PDE4D: variants seen among roughly 807,000 people sequenced by gnomAD.
The protein encoded by PDE4D is 3',5'-cyclic-AMP phosphodiesterase 4D.
A neutral mutation model predicts 87.4 loss-of-function variants in PDE4D; 24 were observed. The observed-to-expected ratio is 0.27, with a 90% CI of 0.20 to 0.39. The LOEUF is 0.39. PDE4D is among the 10% of genes least tolerant of loss of function. PDE4D has a pLI of 1.00. For missense variants in PDE4D, 714 were observed against 1,041.0 expected (o/e 0.69, Z 4.32); for synonymous variants, 384 against 383.2 (o/e 1.00, Z -0.02).
intron 1 of PDE4D, among the ~76,000 whole-genome samples, chr5:60,289,701 G>C (rs1212220286): frequency 6.6e-6 from 1 of 152,208 alleles, no homozygotes; most frequent in South Asian, 2.1e-4. Context: ...ATTATGGCAA[G>C]AGTGGGACAA....
chr5:59,109,945 C>G (rs1772318740), intron 5 of PDE4D, among the ~76,000 whole-genome samples: 1 of 152,030 alleles, frequency 6.6e-6, no homozygotes, highest in Non-Finnish European at 1.5e-5. Context: ...CTTGTGCTGC[C>G]CATGGAGAGA....
chr5:60,487,459 T>G (rs778464609), intron 1 of PDE4D, among the ~76,000 whole-genome samples: 8 of 152,238 alleles, frequency 5.3e-5, no homozygotes, highest in Non-Finnish European at 1.0e-4. Context: ...AACAAAAGTA[T>G]TGCTGCCATC....
chr5:59,914,132 T>TAAATA (rs1401597181), intron 3 of PDE4D, among the ~76,000 whole-genome samples: 18 of 152,206 alleles, frequency 1.2e-4, no homozygotes, highest in Non-Finnish European at 2.6e-4. Context: ...ATTTATTTAA[T>TAAATA]ACATATGAAT....
intron 2 of PDE4D, among the ~76,000 whole-genome samples, chr5:59,202,393 A>G (rs1747700468): frequency 6.6e-6 from 1 of 152,014 alleles, no homozygotes; most frequent in African/African-American, 2.4e-5. Context: ...GTGGGGTCTC[A>G]CTCTGTTGCC....
intron 1 of PDE4D, among the ~76,000 whole-genome samples, chr5:59,772,153 G>T (rs1485947259): frequency 6.6e-6 from 1 of 152,176 alleles, no homozygotes; most frequent in Admixed American, 6.5e-5. Context: ...AACACAAATT[G>T]TAAGATTCTG....
intron 2 of PDE4D, among the ~76,000 whole-genome samples, chr5:60,141,376 T>C (rs1253211026): frequency 6.6e-6 from 1 of 152,092 alleles, no homozygotes; most frequent in Non-Finnish European, 1.5e-5. Flanking sequence ...TCTTTAAAAC[T>C]GAGTATCTCT....
At chr5:59,289,764 T>C (rs578148319) in intron 1 of PDE4D, among the ~76,000 whole-genome samples, 12 of 151,974 alleles carry the variant, frequency 7.9e-5, no homozygotes, top group Non-Finnish European at 1.6e-4. Context: ...AATATGATCT[T>C]AAATTTGGAA....
intron 1 of PDE4D, among the ~76,000 whole-genome samples, chr5:59,888,428 A>C (rs1750476699): frequency 6.6e-6 from 1 of 152,260 alleles, no homozygotes; most frequent in South Asian, 2.1e-4. Context: ...GAAGTTACCA[A>C]GACAATATTC....
chr5:60,108,341 T>C (rs1198581995), intron 2 of PDE4D, among the ~76,000 whole-genome samples: 1 of 151,800 alleles, frequency 6.6e-6, no homozygotes, highest in Non-Finnish European at 1.5e-5. Flanking sequence ...TACAAACCAC[T>C]GCTCAAGGAA....
chr5:59,637,810 T>TGCACCATCAGA (rs1740850321), intron 1 of PDE4D, among the ~76,000 whole-genome samples: 1 of 151,964 alleles, frequency 6.6e-6, no homozygotes. Flanking sequence ...AGATGATGAG[T>TGCACCATCAGA]TGATGGGTGC....
intron 1 of PDE4D, among the ~76,000 whole-genome samples, chr5:59,571,905 C>T (rs1178428389): frequency 1.3e-5 from 2 of 152,152 alleles, no homozygotes; most frequent in Non-Finnish European, 2.9e-5. Flanking sequence ...TTCACCTGGC[C>T]CCATAAATGG....
chr5:59,629,470 A>C (rs989360909), intron 1 of PDE4D, among the ~76,000 whole-genome samples: 3 of 152,132 alleles, frequency 2.0e-5, no homozygotes, highest in Non-Finnish European at 2.9e-5. Context: ...AAATGTGGAC[A>C]CAGAGACATG....
At chr5:59,348,765 T>C (rs940728228) in intron 1 of PDE4D, among the ~76,000 whole-genome samples, 2 of 152,068 alleles carry the variant, frequency 1.3e-5, no homozygotes, top group Non-Finnish European at 2.9e-5. Flanking sequence ...TTAGTTTTTC[T>C]CTTCCAAATT....
chr5:60,089,154 G>A (rs982524515), intron 2 of PDE4D, among the ~76,000 whole-genome samples: 1 of 151,928 alleles, frequency 6.6e-6, no homozygotes, highest in Non-Finnish European at 1.5e-5. Context: ...AATCAACAAA[G>A]AAACATCAGA....
chr5:59,820,366 C>T (rs989152045), intron 1 of PDE4D, among the ~76,000 whole-genome samples: 2 of 152,240 alleles, frequency 1.3e-5, no homozygotes, highest in Admixed American at 6.5e-5. Context: ...GACAAGTCAG[C>T]TCAGATGAGG....
At chr5:59,309,666 C>T (rs1772174174) in intron 1 of PDE4D, among the ~76,000 whole-genome samples, 1 of 152,198 alleles carries the variant, frequency 6.6e-6, no homozygotes, top group Non-Finnish European at 1.5e-5. Flanking sequence ...TGTGGGTCCT[C>T]TCAAGGTTGC....
At chr5:59,031,372 TA>T (rs1757370814) in intron 6 of PDE4D, among the ~76,000 whole-genome samples, 2 of 32,756 alleles carry the variant, frequency 6.1e-5, no homozygotes, top group Non-Finnish European at 1.5e-4. Flanking sequence ...GATATATATA[TA>T]TATATATATA....
chr5:60,008,864 G>T (rs1309261962), intron 2 of PDE4D, among the ~76,000 whole-genome samples: 1 of 151,632 alleles, frequency 6.6e-6, no homozygotes, highest in African/African-American at 2.4e-5. Flanking sequence ...TTAGTATTTT[G>T]TCTTATTATA....
At chr5:59,287,407 C>A (rs1358108620) in intron 1 of PDE4D, among the ~76,000 whole-genome samples, 2 of 152,038 alleles carry the variant, frequency 1.3e-5, no homozygotes, top group African/African-American at 4.8e-5. Context: ...GAATAGAGTA[C>A]CGGTAGATTC....
Sources: allele counts gnomAD v4.1 joint callset (sites outside exome capture counted in the v4.1 genomes callset), GRCh38; gene constraint gnomAD v4.1.1; transcripts MANE v1.5; gene names NCBI Gene and HGNC (gene_info 2026-07-23, HGNC 2026-07-21).